The following BRINP1 variants were observed in gnomAD, a reference collection of about 807,000 sequenced individuals.
BRINP1 encodes BMP/retinoic acid-inducible neural-specific protein 1.
A neutral mutation model predicts 72.9 loss-of-function variants in BRINP1; 17 were observed. The ratio of observed to expected loss-of-function variants is 0.23; its 90% CI spans 0.16 to 0.35. The LOEUF (loss-of-function observed/expected upper bound fraction) is 0.35. Ranked by LOEUF, BRINP1 falls within the 10% of genes least tolerant of loss-of-function variation. The pLI is 1.00. For synonymous variants in BRINP1, 418 were observed against 378.5 expected, an observed-to-expected ratio of 1.10 and a Z score of -1.21; for missense variants, 850 against 1,001.6, an observed-to-expected ratio of 0.85 and a Z score of 2.04.
At chr9:119,262,896 G>A (rs956542598) in intron 2 of BRINP1, among the ~76,000 whole-genome samples, 5 of 152,170 alleles carry the variant, frequency 3.3e-5, no homozygotes, top group African/African-American at 1.2e-4. Context: ...CTAATTTTGG[G>A]AGTAAGGTTT....
intron 1 of BRINP1, among the ~76,000 whole-genome samples, chr9:119,317,030 G>A (rs538831565): frequency 3.3e-5 from 5 of 151,780 alleles, no homozygotes; most frequent in South Asian, 2.1e-4. Context: ...GGCGGAGGTC[G>A]CCGGGAACCA....
At chr9:119,260,116 C>T (rs1167856726) in intron 2 of BRINP1, among the ~76,000 whole-genome samples, 1 of 152,154 alleles carries the variant, frequency 6.6e-6, no homozygotes, top group Non-Finnish European at 1.5e-5. Context: ...GTTATATTCA[C>T]TGAATATCTG....
chr9:119,354,187 T>C (rs1460315202), intron 1 of BRINP1, among the ~76,000 whole-genome samples: 1 of 152,170 alleles, frequency 6.6e-6, no homozygotes, highest in East Asian at 1.9e-4. Flanking sequence ...TTATGGAAAA[T>C]ACATTTGTCT....
intron 1 of BRINP1, among the ~76,000 whole-genome samples, chr9:119,363,595 T>C (rs1831657435): frequency 6.6e-6 from 1 of 152,200 alleles, no homozygotes; most frequent in Admixed American, 6.5e-5. Context: ...ACATTTAATA[T>C]TATATAAAAT....
intron 2 of BRINP1, among the ~76,000 whole-genome samples, chr9:119,306,814 C>T (rs1322749102): frequency 6.6e-6 from 1 of 152,142 alleles, no homozygotes; most frequent in Non-Finnish European, 1.5e-5. Context: ...ATGCATTGAA[C>T]TGCCATCCTG....
intron 2 of BRINP1, among the ~76,000 whole-genome samples, chr9:119,271,439 A>C (rs1830604140): frequency 6.6e-6 from 1 of 152,120 alleles, no homozygotes; most frequent in Non-Finnish European, 1.5e-5. Context: ...TTATGCAACT[A>C]TCATTGATTA....
chr9:119,216,035 C>T (rs1466678306), intron 5 of BRINP1, among the ~76,000 whole-genome samples: 1 of 152,142 alleles, frequency 6.6e-6, no homozygotes, highest in Non-Finnish European at 1.5e-5. Flanking sequence ...AAGCTCCTGG[C>T]ACATAGCAAG....
chr9:119,366,536 G>A (rs886881500), intron 1 of BRINP1, among the ~76,000 whole-genome samples: 5 of 150,016 alleles, frequency 3.3e-5, no homozygotes, highest in East Asian at 2.0e-4. Flanking sequence ...GTGTGTGTGT[G>A]TGTGTGTGTG....
intron 2 of BRINP1, among the ~76,000 whole-genome samples, chr9:119,285,490 T>C (rs1359078457): frequency 6.6e-6 from 1 of 152,224 alleles, no homozygotes; most frequent in African/African-American, 2.4e-5. Flanking sequence ...AGCAGTTAAC[T>C]GAACTTCCTC....
chr9:119,175,763 T>G (rs1280405996), intron 7 of BRINP1, among the ~76,000 whole-genome samples: 2 of 152,146 alleles, frequency 1.3e-5, no homozygotes, highest in African/African-American at 4.8e-5. Flanking sequence ...GCCTCTCATC[T>G]TTCCTTTTTT....
intron 2 of BRINP1, among the ~76,000 whole-genome samples, chr9:119,293,052 A>C (rs1386040432): frequency 1.3e-5 from 2 of 152,206 alleles, no homozygotes; most frequent in African/African-American, 4.8e-5. Flanking sequence ...ATGAACAAAA[A>C]TCCATGCCTC....
In BRINP1 at chr9:119,242,157, C is replaced by T. The variant is rs770697045; in HGVS notation, c.469G>A (p.Ala157Thr). 1.2e-6 allele frequency: 2 copies of T among 1,614,186 alleles called. No homozygotes were observed. Among genetic ancestry groups the T allele is most frequent in the South Asian group, 1.1e-5 (1 of 91,084 alleles). The change falls in exon 4 of 8, where the codon GCC becomes ACC. Residue 157 changes from alanine (A) to threonine (T), a missense_variant. Physicochemically the swap from Ala to Thr is moderately conservative, Grantham distance 58 (BLOSUM62 0). Transcript: ENST00000265922. ...TGCAGAGCTTCAACACTTTGAGTGG[C>T]ATTCCCTGACTTCCTGTCGAGGCGA... is the stretch of plus-strand genomic sequence containing the variant. ...KSRLDRKSGN[A>T]TQSVEALHQL... is the part of the protein sequence containing the mutation.
intron 7 of BRINP1, among the ~76,000 whole-genome samples, chr9:119,169,839 C>G (rs1430460623): frequency 3.3e-5 from 5 of 152,182 alleles, no homozygotes; most frequent in African/African-American, 1.2e-4. Flanking sequence ...CCCTGAGCAG[C>G]CTAACTGGGA....
Position 119,242,048 on chromosome 9 carries a change from T to G in BRINP1, c.578A>C (p.Lys193Thr). 6.2e-7 allele frequency: 1 copy of G among 1,613,640 alleles called. No homozygotes were observed. ...CCCAAATCCACCCCGGAGCTGTACC[T>G]TGATTGCTCCAGTTGATATCTGGAT... ...HEIQISTGAI[K>T]VTETRTGPLG... The change falls in exon 4 of 8, where the codon AAG (lysine) becomes ACG (threonine). Residue 193 changes from lysine (K) to threonine (T), a missense_variant and splice_region_variant. Lys to Thr is a moderately conservative substitution (Grantham distance 78). Transcript: ENST00000265922.
chr9:119,309,440 G>T (rs992587086), intron 2 of BRINP1, among the ~76,000 whole-genome samples: 3 of 152,164 alleles, frequency 2.0e-5, no homozygotes, highest in African/African-American at 7.2e-5. Context: ...GGCTCTTAGT[G>T]CCTTTCTCAT....
chr9:119,352,125 A>G (rs1831513087), intron 1 of BRINP1, among the ~76,000 whole-genome samples: 1 of 152,100 alleles, frequency 6.6e-6, no homozygotes, highest in Non-Finnish European at 1.5e-5. Flanking sequence ...TACTCAAGAT[A>G]AATGTTTGTC....
intron 2 of BRINP1, among the ~76,000 whole-genome samples, chr9:119,294,473 C>A (rs924681235): frequency 1.3e-5 from 2 of 152,066 alleles, no homozygotes; most frequent in African/African-American, 2.4e-5. Flanking sequence ...TTGCAGTGAG[C>A]CGAGATCATA....
chr9:119,184,519 A>T (rs371132893), intron 7 of BRINP1, among the ~76,000 whole-genome samples: 1 of 152,148 alleles, frequency 6.6e-6, no homozygotes, highest in East Asian at 1.9e-4. Flanking sequence ...TTTATAGGAC[A>T]ATTTAATACA....
chr9:119,260,897 G>A (rs1830488724), intron 2 of BRINP1, among the ~76,000 whole-genome samples: 2 of 152,022 alleles, frequency 1.3e-5, no homozygotes, highest in Non-Finnish European at 1.5e-5. Flanking sequence ...GAAGAAGGAA[G>A]GCATCATCAA....
Sources: allele counts gnomAD v4.1 joint callset (sites outside exome capture counted in the v4.1 genomes callset), GRCh38; gene constraint gnomAD v4.1.1; transcripts MANE v1.5; gene names NCBI Gene and HGNC (gene_info 2026-07-23, HGNC 2026-07-21).